The following ERICH6 variants were observed in gnomAD, a reference collection of about 807,000 sequenced individuals.
ERICH6 encodes glutamate rich 6, also known as glutamate-rich protein 6.
Under a neutral mutation model 71.0 loss-of-function variants are expected in ERICH6, and 71 were observed. The ratio of observed to expected loss-of-function variants is 1.00; its 90% CI spans 0.83 to 1.22. The LOEUF (loss-of-function observed/expected upper bound fraction) is 1.22. Ranked by LOEUF, ERICH6 falls within the 50% of genes most tolerant of loss-of-function variation. The pLI is 0.00. For missense variants in ERICH6, 808 were observed against 797.2 expected (o/e 1.01, Z -0.16); for synonymous variants, 262 against 278.4 (o/e 0.94, Z 0.59).
At chr3:150,667,736 C>T (rs1157368316) in intron 12 of ERICH6, among the ~76,000 whole-genome samples, 2 of 152,084 alleles carry the variant, frequency 1.3e-5, no homozygotes, top group Non-Finnish European at 2.9e-5. Flanking sequence ...TCTTACCATC[C>T]CCACCTTGAG....
chr3:150,667,090 C>T, intron 12 of ERICH6, 75 bp from the exon 13 acceptor site: 5 of 1,398,934 alleles, frequency 3.6e-6, no homozygotes, highest in Non-Finnish European at 4.9e-6. Flanking sequence ...CTGTCACTTG[C>T]TAACCAAGGG....
At chr3:150,664,324 T>G (rs1410137818) in intron 13 of ERICH6, among the ~76,000 whole-genome samples, 3 of 152,148 alleles carry the variant, frequency 2.0e-5, no homozygotes. Flanking sequence ...ATATAATCTG[T>G]ATATTATCTA....
intron 13 of ERICH6, among the ~76,000 whole-genome samples, chr3:150,665,342 C>G (rs963134371): frequency 5.9e-5 from 9 of 151,814 alleles, no homozygotes. Context: ...AAGTTTGGAG[C>G]TATGTCTTCC....
At chr3:150,696,806 G>A (rs1310314281) in intron 3 of ERICH6, among the ~76,000 whole-genome samples, 4 of 152,094 alleles carry the variant, frequency 2.6e-5, no homozygotes, top group Non-Finnish European at 4.4e-5. Flanking sequence ...AGTAGGAAAA[G>A]GGTGGTCTCA....
In ERICH6 at chr3:150,680,772, C is replaced by T. The variant is rs924611570; in HGVS notation, c.1040+1G>A. 1 of 1,599,640 alleles carries T rather than the reference C, an allele frequency of 6.3e-7. No individual in the cohort carries two copies. The highest frequency in any genetic ancestry group is 8.5e-7 in the Non-Finnish European group (1 of 1,176,108). On this transcript the variant is annotated splice_donor_variant, in intron 8 of 13. Transcript: ENST00000295910. LOFTEE classifies it high-confidence loss of function. ...TTTCAGTATCGAAGTCTCAATGTTA[C>T]CTTTGCAGGGCTTTTTCTTTTGCCT...
At position 150,659,944 on chromosome 3, in the gene ERICH6, A is replaced by AT; in HGVS notation, c.1939dup (p.Ile647AsnfsTer15). The AT allele has an allele frequency of 1.2e-6, 2 of 1,612,932 alleles. No individual in the cohort carries two copies. Among genetic ancestry groups the AT allele is most frequent in the Non-Finnish European group, 1.7e-6 (2 of 1,178,970 alleles). The stretch of plus-strand genomic sequence containing the variant: ...TATTGTCTTCATTATATCTTGCTTT[A>AT]TACCAGAACTGTGACAAAGGGCAAT... On this transcript the variant is annotated frameshift_variant, in exon 14 of 14. Transcript: ENST00000295910. LOFTEE classifies it low-confidence loss of function (END_TRUNC).
Position 150,674,008 on chromosome 3 carries a change from T to C in ERICH6, c.1291A>G (p.Lys431Glu), listed in dbSNP as rs1559912311. The C allele has an allele frequency of 1.9e-6, 3 of 1,614,182 alleles. No homozygotes were observed. The highest frequency in any genetic ancestry group is 2.5e-6 in the Non-Finnish European group (3 of 1,180,018). The change falls in exon 11 of 14, where the codon AAA (lysine) becomes GAA (glutamate). Residue 431 changes from lysine to glutamate, a missense_variant. Transcript: ENST00000295910. The stretch of plus-strand genomic sequence containing the variant: ...GAAGTCAGAAACTTGCTCCCATGTT[T>C]GTAGTGCTTCTCTAAGAGCTCATTC... ...VRNELLEKHY[K>E]HGSKFLTSFP...
At chr3:150,668,524 T>C (rs972500115) in intron 12 of ERICH6, among the ~76,000 whole-genome samples, 1 of 152,160 alleles carries the variant, frequency 6.6e-6, no homozygotes, top group South Asian at 2.1e-4. Context: ...CCAATATACA[T>C]GGTGGTAATG....
At chr3:150,663,089 C>T (rs902082634) in intron 13 of ERICH6, among the ~76,000 whole-genome samples, 1 of 152,080 alleles carries the variant, frequency 6.6e-6, no homozygotes, top group East Asian at 1.9e-4. Context: ...TAGAAGTCCC[C>T]GGAGAGTTCT....
intron 13 of ERICH6, among the ~76,000 whole-genome samples, chr3:150,662,554 T>C (rs1277014786): frequency 1.3e-5 from 2 of 152,164 alleles, no homozygotes; most frequent in African/African-American, 4.8e-5. Context: ...ATCAATATAT[T>C]CTAAACAGGA....
Position 150,703,755 on chromosome 3 carries a change from C to CTCCTCCTCT in ERICH6, c.143_144insAGAGGAGGA (p.Glu52_Glu54dup), listed in dbSNP as rs1713048904. ...CCACCACCTCCTCCTCCTCCTCCTC[C>CTCCTCCTCT]ACCTCTTCCTCCTCCTCCTCCACCT... On this transcript the variant is annotated inframe_insertion, in exon 1 of 14. Transcript: ENST00000295910. 1.3e-6 allele frequency: 2 copies of CTCCTCCTCT among 1,575,882 alleles called. No homozygotes were observed. The highest frequency in any genetic ancestry group is 3.3e-5 in the African/African-American group (2 of 60,296).
At chr3:150,689,315 G>C (rs750597684) in intron 3 of ERICH6, among the ~76,000 whole-genome samples, 1 of 151,972 alleles carries the variant, frequency 6.6e-6, no homozygotes, top group Non-Finnish European at 1.5e-5. Context: ...TACATAACAA[G>C]GCCACCTTTT....
At chr3:150,673,614 G>A (rs933027641) in intron 11 of ERICH6, among the ~76,000 whole-genome samples, 1 of 151,662 alleles carries the variant, frequency 6.6e-6, no homozygotes, top group Non-Finnish European at 1.5e-5. Context: ...TCTGAGACAC[G>A]GTCCCACTTC....
At chr3:150,683,486 C>T (rs928053256) in intron 6 of ERICH6, among the ~76,000 whole-genome samples, 7 of 152,142 alleles carry the variant, frequency 4.6e-5, no homozygotes, top group East Asian at 3.9e-4. Flanking sequence ...TGAGGGAGGC[C>T]GGGCATGGTG....
At chr3:150,665,756 A>G (rs1727390930) in intron 13 of ERICH6, among the ~76,000 whole-genome samples, 1 of 141,180 alleles carries the variant, frequency 7.1e-6, no homozygotes, top group Non-Finnish European at 1.5e-5. Context: ...TGAACCTGGG[A>G]GGTGGAGGTT....
At chr3:150,665,343 T>TA (rs1186185373) in intron 13 of ERICH6, among the ~76,000 whole-genome samples, 1 of 151,984 alleles carries the variant, frequency 6.6e-6, no homozygotes, top group Admixed American at 6.6e-5. Flanking sequence ...AGTTTGGAGC[T>TA]ATGTCTTCCT....
intron 3 of ERICH6, among the ~76,000 whole-genome samples, chr3:150,686,636 T>C (rs1238868322): frequency 6.6e-6 from 1 of 152,202 alleles, no homozygotes; most frequent in Non-Finnish European, 1.5e-5. Flanking sequence ...AAATCCTGAG[T>C]GGATGCCTGA....
chr3:150,685,632 C>CT (rs138634429), intron 6 of ERICH6, 110 bp downstream of exon 6: 28,769 of 755,206 alleles, frequency 0.038, 63 homozygotes, highest in African/African-American at 0.06. Flanking sequence ...AGCTCTTTGG[C>CT]TTTTTTTTTT....
intron 6 of ERICH6, among the ~76,000 whole-genome samples, chr3:150,684,018 G>A (rs867684512): frequency 6.6e-6 from 1 of 152,194 alleles, no homozygotes; most frequent in South Asian, 2.1e-4. Context: ...TGTTGCGGGA[G>A]GCGAGTATAA....
Sources: allele counts gnomAD v4.1 joint callset (sites outside exome capture counted in the v4.1 genomes callset), GRCh38; gene constraint gnomAD v4.1.1; transcripts MANE v1.5; gene names NCBI Gene and HGNC (gene_info 2026-07-23, HGNC 2026-07-21).